PRKCE: variants seen among roughly 807,000 people sequenced by gnomAD.
PRKCE encodes protein kinase C epsilon, also known as protein kinase C epsilon type.
PRKCE carries 16 observed loss-of-function variants against 85.4 expected under a neutral mutation model. The observed-to-expected ratio is 0.19, with a 90% confidence interval of 0.13 to 0.28. PRKCE has a LOEUF of 0.28. Among genes scored for constraint, PRKCE ranks in the 10% least tolerant of loss-of-function variants. The pLI, the probability that PRKCE is intolerant of heterozygous loss-of-function variation, is 1.00. For missense variants in PRKCE, 573 were observed against 975.2 expected (o/e 0.59, Z 5.49); for synonymous variants, 388 against 371.5 (o/e 1.04, Z -0.51).
intron 1 of PRKCE, among the ~76,000 whole-genome samples, chr2:45,713,099 A>G (rs1328577643): frequency 7.9e-5 from 12 of 152,150 alleles, no homozygotes; most frequent in Admixed American, 7.9e-4. Context: ...AAGCTAGCTT[A>G]TCTCCCTGGG....
At chr2:45,996,474 G>C (rs1019087310) in intron 6 of PRKCE, among the ~76,000 whole-genome samples, 1 of 152,068 alleles carries the variant, frequency 6.6e-6, no homozygotes, top group Non-Finnish European at 1.5e-5. Flanking sequence ...TAGGGTTTTT[G>C]TTGATGTTCT....
intron 10 of PRKCE, among the ~76,000 whole-genome samples, chr2:46,049,187 C>T (rs754336078): frequency 2.6e-5 from 4 of 152,082 alleles, no homozygotes; most frequent in Non-Finnish European, 4.4e-5. Flanking sequence ...TTTTCCTAGA[C>T]GTTTCCTTAG....
At chr2:45,714,589 T>C (rs1949373) in intron 1 of PRKCE, among the ~76,000 whole-genome samples, 130,608 of 152,264 alleles carry the variant, frequency 0.86, 56,355 homozygotes, top group African/African-American at 0.94. Flanking sequence ...TTCTGCTTTC[T>C]TTCCTTGCTT....
intron 10 of PRKCE, among the ~76,000 whole-genome samples, chr2:46,035,637 G>T (rs2104971812): frequency 6.6e-6 from 1 of 152,284 alleles, no homozygotes; most frequent in Non-Finnish European, 1.5e-5. Context: ...CATGTATTTG[G>T]CATATGCCAT....
intron 2 of PRKCE, among the ~76,000 whole-genome samples, chr2:45,944,799 G>A (rs867406734): frequency 6.6e-6 from 1 of 151,434 alleles, no homozygotes; most frequent in African/African-American, 2.4e-5. Context: ...ACTGTGCTGG[G>A]CAATCCTCAA....
intron 13 of PRKCE, among the ~76,000 whole-genome samples, chr2:46,151,879 G>A (rs1042926465): frequency 6.6e-6 from 1 of 152,238 alleles, no homozygotes; most frequent in Non-Finnish European, 1.5e-5. Flanking sequence ...TGCTTGTACT[G>A]TGTCAAGCAA....
chr2:45,939,783 G>C (rs948951718), intron 2 of PRKCE, among the ~76,000 whole-genome samples: 1 of 152,180 alleles, frequency 6.6e-6, no homozygotes, highest in Admixed American at 6.5e-5. Flanking sequence ...TTGATCTCTT[G>C]ACCTCATGAT....
At chr2:45,817,611 G>A (rs578099298) in intron 1 of PRKCE, among the ~76,000 whole-genome samples, 17 of 152,200 alleles carry the variant, frequency 1.1e-4, no homozygotes, top group Non-Finnish European at 1.5e-4. Flanking sequence ...GGAGAATGGC[G>A]TGAACCCGGA....
At chr2:46,029,679 G>C (rs1010472831) in intron 10 of PRKCE, among the ~76,000 whole-genome samples, 1 of 126,352 alleles carries the variant, frequency 7.9e-6, no homozygotes, top group East Asian at 2.0e-4. Flanking sequence ...GTTTGTCGTC[G>C]TATGGGTTTT....
chr2:45,942,604 A>G (rs751463504), intron 2 of PRKCE, among the ~76,000 whole-genome samples: 3 of 152,168 alleles, frequency 2.0e-5, no homozygotes, highest in Non-Finnish European at 4.4e-5. Context: ...CTGTTGGTCT[A>G]ATGACGAGGT....
chr2:45,963,351 C>G (rs1251175930), intron 2 of PRKCE, among the ~76,000 whole-genome samples: 3 of 152,140 alleles, frequency 2.0e-5, no homozygotes, highest in Admixed American at 6.5e-5. Flanking sequence ...CTCTATTGCC[C>G]AACATGGAGT....
At chr2:46,077,673 T>C (rs1304352317) in intron 10 of PRKCE, among the ~76,000 whole-genome samples, 1 of 152,196 alleles carries the variant, frequency 6.6e-6, no homozygotes, top group Non-Finnish European at 1.5e-5. Flanking sequence ...ATCATTAAGG[T>C]GGTTATTTTT....
At chr2:46,072,373 A>C (rs532710988) in intron 10 of PRKCE, among the ~76,000 whole-genome samples, 1 of 152,366 alleles carries the variant, frequency 6.6e-6, no homozygotes, top group South Asian at 2.1e-4. Context: ...TAAAGCAGTC[A>C]GAACATGAAA....
chr2:46,124,296 G>A (rs1673635718), intron 11 of PRKCE, among the ~76,000 whole-genome samples: 1 of 152,192 alleles, frequency 6.6e-6, no homozygotes, highest in Non-Finnish European at 1.5e-5. Flanking sequence ...CTGCACTCCA[G>A]CCTGGGCAAC....
chr2:45,792,424 G>A (rs552406204), intron 1 of PRKCE, among the ~76,000 whole-genome samples: 1 of 152,174 alleles, frequency 6.6e-6, no homozygotes, highest in Non-Finnish European at 1.5e-5. Context: ...TACGATGAGT[G>A]CTCAGTAAAT....
chr2:46,184,987 C>T lies in PRKCE; in HGVS notation c.*106C>T, dbSNP rs1012152867. On this transcript the variant is annotated 3_prime_UTR_variant, in exon 15 of 15. Coordinates refer to ENST00000306156, the MANE Select transcript of PRKCE (RefSeq NM_005400.3). This position sits in a 1 kb window ranked among gnomAD's most constrained non-coding sequence, Gnocchi z 5.0. ...CTTGAACTACTTCTCCTCCTCGGAG[C>T]CCCAGTCCCATGTCCACTGTCTATT... 1.7e-4 allele frequency: 243 copies of T among 1,430,942 alleles called. No individual in the cohort carries two copies. In the African/African-American group the frequency reaches 3.0e-3, roughly 18 times the overall value. 88.6% of individuals were successfully genotyped at this position (1,430,942 alleles called of 1,614,324 possible). A position where few individuals can be genotyped will look rare whatever the true frequency, so the allele number is the denominator to read the frequency against.
At chr2:46,010,592 C>T in intron 10 of PRKCE, 75 bp downstream of exon 10, 1 of 1,598,580 alleles carries the variant, frequency 6.3e-7, no homozygotes, top group South Asian at 1.1e-5. Context: ...ATTTTAGACC[C>T]TCTACATTGT....
intron 6 of PRKCE, among the ~76,000 whole-genome samples, chr2:45,996,130 G>T (rs111573499): frequency 2.0e-5 from 3 of 152,062 alleles, no homozygotes; most frequent in African/African-American, 7.2e-5. Flanking sequence ...AACATAGATG[G>T]TATTGTTTTT....
intron 1 of PRKCE, among the ~76,000 whole-genome samples, chr2:45,781,287 T>G (rs1040710480): frequency 1.3e-5 from 2 of 152,116 alleles, no homozygotes; most frequent in African/African-American, 4.8e-5. Context: ...CAGTGAGCCG[T>G]GATCGCACCA....
Sources: allele counts gnomAD v4.1 joint callset (sites outside exome capture counted in the v4.1 genomes callset), GRCh38; gene constraint gnomAD v4.1.1; non-coding constraint Gnocchi (gnomAD v3.1); transcripts MANE v1.5; gene names NCBI Gene and HGNC (gene_info 2026-07-23, HGNC 2026-07-21).